MYO1G: variants seen among roughly 807,000 people sequenced by gnomAD.
MYO1G encodes myosin IG, also known as unconventional myosin-Ig.
A neutral mutation model predicts 115.3 loss-of-function variants in MYO1G; 65 were observed. The observed-to-expected ratio is 0.56, with a 90% confidence interval of 0.46 to 0.69. The LOEUF (loss-of-function observed/expected upper bound fraction) is 0.69, where lower values mean the gene tolerates loss of function less well. MYO1G is among the 30% of genes least tolerant of loss of function. MYO1G has a pLI of 0.00. For missense variants in MYO1G, 1,204 were observed against 1,393.5 expected, an observed-to-expected ratio of 0.86 and a Z score of 2.16; for synonymous variants, 510 against 552.6, an observed-to-expected ratio of 0.92 and a Z score of 1.08.
rs965879477 is a variant in MYO1G, at chr7:44,963,763, C to T, written c.2745+286G>A. 1 of 438,498 alleles carries T rather than the reference C, an allele frequency of 2.3e-6. No individual in the cohort carries two copies. 27.2% of individuals were successfully genotyped at this position (438,498 alleles called of 1,614,324 possible). ...GTCCCAGAATGCCCAGGTGGGAGAA[C>T]CCCAGTTGGGCACAAGTTGGAAGAG... On this transcript the variant is annotated intron_variant, in intron 20 of 21. Coordinates refer to ENST00000258787, the MANE Select transcript of MYO1G (RefSeq NM_033054.3). The surrounding 1 kb of genome is among the most constrained non-coding windows in gnomAD (Gnocchi z 4.1).
chr7:44,978,386 A>G (rs1795119454), intron 1 of MYO1G, among the ~76,000 whole-genome samples: 3 of 152,144 alleles, frequency 2.0e-5, no homozygotes, highest in African/African-American at 7.2e-5. Context: ...CCTAGGGTGG[A>G]GCCTGACTGC....
chr7:44,978,034 G>C (rs1456168196), intron 1 of MYO1G, among the ~76,000 whole-genome samples: 1 of 152,230 alleles, frequency 6.6e-6, no homozygotes, highest in Non-Finnish European at 1.5e-5. Context: ...TGTGCACAAA[G>C]TGCTTAGCTC....
chr7:44,970,962 G>C lies in MYO1G; in HGVS notation c.944C>G (p.Thr315Arg), dbSNP rs774267015. 9 of 1,613,230 alleles carry C rather than the reference G, an allele frequency of 5.6e-6. No homozygotes were observed. The Admixed American group carries it at 1.2e-4, about 21-fold the overall frequency. The stretch of plus-strand genomic sequence containing the variant: ...GAGCACGAGGTCCCGGGGTGTGGCC[G>C]TCAGCTCAGCCACATGGTCCACCAG... ...EALVDHVAEL[T>R]ATPRDLVLRS... The change falls in exon 8 of 22, where the codon ACG becomes AGG. Residue 315 changes from threonine to arginine, a missense_variant. Coordinates refer to ENST00000258787, the MANE Select transcript of MYO1G (RefSeq NM_033054.3).
At position 44,969,937 on chromosome 7, in the gene MYO1G, G is replaced by A. The variant is rs999170479; in HGVS notation, c.1333-62C>T. 5.5e-5 allele frequency: 87 copies of A among 1,585,136 alleles called. No individual in the cohort carries two copies. In the African/African-American group the frequency reaches 8.7e-4, roughly 16 times the overall value. The stretch of plus-strand genomic sequence containing the variant: ...TCTTTCAGGCCACCTCCCCTCCTCC[G>A]CCCCACACTCAGCCACCTGTCAGGC... On this transcript the variant is annotated intron_variant, in intron 10 of 21. Coordinates refer to ENST00000258787, the MANE Select transcript of MYO1G (RefSeq NM_033054.3). The surrounding 1 kb of genome is among the most constrained non-coding windows in gnomAD (Gnocchi z 5.0).
intron 6 of MYO1G, 105 bp from the exon 7 acceptor site, chr7:44,971,894 CCT>C: frequency 1.1e-6 from 1 of 871,444 alleles, no homozygotes; most frequent in South Asian, 1.6e-5. Flanking sequence ...ACCCCTGTCC[CCT>C]GTCCCCTTCC....
chr7:44,977,728 G>A (rs1057090734), intron 1 of MYO1G, among the ~76,000 whole-genome samples: 8 of 152,114 alleles, frequency 5.3e-5, no homozygotes, highest in African/African-American at 1.9e-4. Flanking sequence ...TGACCTTTCT[G>A]CCCCTGGGAG....
chr7:44,969,809 C>T lies in MYO1G; in HGVS notation c.1399G>A (p.Val467Met), dbSNP rs150434835. ...GCAGAGCTGCAGGCCTCGTCCAGCA[C>T]GGCCAGGATGCCACGGTGGGGCCGC... Reference protein sequence around the residue: ...VERPHRGILAVLDEACSSAGT... With the variant: ...VERPHRGILAMLDEACSSAGT... Residue 467 changes from valine (V) to methionine (M), a missense_variant, in exon 11 of 22, where the codon GTG becomes ATG. Val to Met is a conservative substitution (Grantham distance 21). Transcript: ENST00000258787. This position sits in a 1 kb window ranked among gnomAD's most constrained non-coding sequence, Gnocchi z 5.0. 8.6e-5 allele frequency: 138 copies of T among 1,613,146 alleles called. 2 individuals are homozygous for T. Among genetic ancestry groups the T allele is most frequent in the African/African-American group, 7.2e-4 (54 of 74,904 alleles).
In MYO1G at chr7:44,972,168, C is replaced by A. The variant is rs778721252; in HGVS notation, c.676G>T (p.Ala226Ser). 3.7e-6 allele frequency: 6 copies of A among 1,614,160 alleles called. No homozygotes were observed. Among genetic ancestry groups the A allele is most frequent in the Non-Finnish European group, 4.2e-6 (5 of 1,180,032 alleles). The change falls in exon 6 of 22, where the codon GCT becomes TCT. Residue 226 changes from alanine (A) to serine (S), a missense_variant. Coordinates refer to ENST00000258787, the MANE Select transcript of MYO1G (RefSeq NM_033054.3). Reference protein sequence around the residue: ...LHELHLERNPAVYNFTHQGAG... With the variant: ...LHELHLERNPSVYNFTHQGAG... ...CCCTGGTGTGTGAAATTGTATACAG[C>A]AGGGTTTCTCTCCAAGTGCAGTTCA...
At position 44,964,667 on chromosome 7, in the gene MYO1G, T is replaced by C; in HGVS notation, c.2527-148A>G. ...GACTTGTGCGTGAGCTGAGCAGCCC[T>C]GGATTTCCTGAGGGCACAGAGCCCT... On this transcript the variant is annotated intron_variant, in intron 18 of 21. Coordinates refer to ENST00000258787, the MANE Select transcript of MYO1G (RefSeq NM_033054.3). This position sits in a 1 kb window ranked among gnomAD's most constrained non-coding sequence, Gnocchi z 5.1. The C allele has an allele frequency of 1.3e-6, 1 of 797,866 alleles. No individual in the cohort carries two copies. Among genetic ancestry groups the C allele is most frequent in the Non-Finnish European group, 2.1e-6 (1 of 487,474 alleles). 49.4% of individuals were successfully genotyped at this position (797,866 alleles called of 1,614,324 possible). A position where few individuals can be genotyped will look rare whatever the true frequency, so the allele number is the denominator to read the frequency against.
At position 44,977,067 on chromosome 7, in the gene MYO1G, C is replaced by T. The variant is rs201659933; in HGVS notation, c.100G>A (p.Glu34Lys). ...ATGTAGGTGTAGATGCGGCCCTTCT[C>T]GAACCTGGACACAGCAGGGGTAGGC... is the stretch of plus-strand genomic sequence containing the variant. Reference protein sequence around the residue: ...DFMRNLQLRFEKGRIYTYIGE... With the variant: ...DFMRNLQLRFKKGRIYTYIGE... The change falls in exon 2 of 22, where the codon GAG becomes AAG. Residue 34 changes from glutamate to lysine, a missense_variant. Transcript: ENST00000258787. 1.7e-5 allele frequency: 28 copies of T among 1,612,992 alleles called. No individual in the cohort carries two copies. The East Asian group carries it at 3.8e-4, about 22-fold the overall frequency.
At position 44,971,745 on chromosome 7, in the gene MYO1G, G is replaced by A. The variant is rs149001196; in HGVS notation, c.774C>T (p.Ala258=). 1,109 of 1,555,648 alleles carry A rather than the reference G, an allele frequency of 7.1e-4. 1 individual carries two copies. Among genetic ancestry groups the A allele is most frequent in the Non-Finnish European group, 9.0e-4 (1,029 of 1,149,130 alleles). ...DEQSHQAVTE[A]MRVIGFSPEE... ...CAGGACTGAAGCCGATGACCCTCAT[G>A]GCCTCGGTCACTGCCTGGTGGCTCT... The change falls in exon 7 of 22, where the codon GCC becomes GCT. Residue 258 remains alanine (A), a synonymous_variant. Transcript: ENST00000258787.
chr7:44,966,844 G>A lies in MYO1G; in HGVS notation c.1783-6C>T. 1 of 1,596,644 alleles carries A rather than the reference G, an allele frequency of 6.3e-7. No homozygotes were observed. The highest frequency in any genetic ancestry group is 8.5e-7 in the Non-Finnish European group (1 of 1,170,262). ...CAGCGGACGTAGAAGGGCTCCTGCA[G>A]GGACAGAGGGGACTTGGAGAGGGTC... On this transcript the variant is annotated splice_polypyrimidine_tract_variant and splice_region_variant and intron_variant, in intron 14 of 21. Transcript: ENST00000258787. This position sits in a 1 kb window ranked among gnomAD's most constrained non-coding sequence, Gnocchi z 5.0.
Position 44,964,460 on chromosome 7 carries a change from G to C in MYO1G, c.2586C>G (p.Asp862Glu). ...AGAGCACAGCCCCGAAGCCATCTTT[G>C]TCCTGAAGTGTCTTTAGTCGCTGAG... The part of the protein sequence containing the change: ...LFAQRLKTLQ[D>E]KDGFGAVLFS... The change falls in exon 19 of 22, where the codon GAC (aspartate) becomes GAG (glutamate). Residue 862 changes from aspartate to glutamate, a missense_variant. By Grantham distance (45) the Asp-to-Glu change is conservative (BLOSUM62 2). Transcript: ENST00000258787. This position sits in a 1 kb window ranked among gnomAD's most constrained non-coding sequence, Gnocchi z 5.1. The C allele has an allele frequency of 6.2e-7, 1 of 1,613,856 alleles. No individual in the cohort carries two copies. Among genetic ancestry groups the C allele is most frequent in the Non-Finnish European group, 8.5e-7 (1 of 1,179,844 alleles).
rs753341341 is a variant in MYO1G at position 44,970,034 on chromosome 7, G to T, written c.1332+6C>A. ...GCCTGGCCTCCCTCCAGGCCACAGT[G>T]CTCACGCTCTGCCAGGTGATGCCCT... On this transcript the variant is annotated splice_donor_region_variant and intron_variant, in intron 10 of 21. Coordinates refer to ENST00000258787, the MANE Select transcript of MYO1G (RefSeq NM_033054.3). 6.2e-7 allele frequency: 1 copy of T among 1,612,706 alleles called. No individual in the cohort carries two copies. Among genetic ancestry groups the T allele is most frequent in the Non-Finnish European group, 8.5e-7 (1 of 1,179,086 alleles).
intron 5 of MYO1G, 104 bp downstream of exon 5, chr7:44,975,070 G>T: frequency 8.2e-7 from 1 of 1,215,510 alleles, no homozygotes; most frequent in Non-Finnish European, 1.2e-6. Flanking sequence ...AGTGGGCAGA[G>T]AGGGGGAATT....
chr7:44,964,156 G>A lies in MYO1G; in HGVS notation c.2638C>T (p.Arg880Cys), dbSNP rs777783175. 3.1e-6 allele frequency: 5 copies of A among 1,589,838 alleles called. No homozygotes were observed. The East Asian group carries it at 6.8e-5, about 22-fold the overall frequency. The change falls in exon 20 of 22, where the codon CGC becomes TGC. Residue 880 changes from arginine (R) to cysteine (C), a missense_variant. Physicochemically the swap from Arg to Cys is radical, Grantham distance 180. Transcript: ENST00000258787. This position sits in a 1 kb window ranked among gnomAD's most constrained non-coding sequence, Gnocchi z 5.1. ...GCCCGGTTCCGGATCTTGTGGAAGC[G>A]GTTCACCTGTGGGAGAGGTGGCTGG... is the stretch of plus-strand genomic sequence containing the variant. ...LFSSHVRKVN[R>C]FHKIRNRALL... is the part of the protein sequence containing the mutation.
intron 7 of MYO1G, among the ~76,000 whole-genome samples, chr7:44,971,467 C>T (rs1330091211): frequency 6.6e-6 from 1 of 152,226 alleles, no homozygotes; most frequent in Non-Finnish European, 1.5e-5. Context: ...TTTTACTGCG[C>T]CTGGCTGACC....
Position 44,965,764 on chromosome 7 carries a change from G to T in MYO1G, c.2254C>A (p.Leu752Met). The T allele has an allele frequency of 1.2e-6, 2 of 1,606,800 alleles. No homozygotes were observed. The highest frequency in any genetic ancestry group is 2.2e-5 in the South Asian group (2 of 91,028). ...WFRRHKVRAHLAELQRRFQAA... is the reference protein window; with the variant it reads ...WFRRHKVRAHMAELQRRFQAA... ...TGGAATCGCCGCTGCAGCTCAGCCA[G>T]GTGAGCCCGCACCTTGTGTCTCCGG... The change falls in exon 17 of 22, where the codon CTG becomes ATG. Residue 752 changes from leucine (L) to methionine (M), a missense_variant. Coordinates refer to ENST00000258787, the MANE Select transcript of MYO1G (RefSeq NM_033054.3).
At position 44,965,074 on chromosome 7, in the gene MYO1G, C is replaced by T; in HGVS notation, c.2397G>A (p.Gln799=). 1 of 1,606,928 alleles carries T rather than the reference C, an allele frequency of 6.2e-7. No individual in the cohort carries two copies. Among genetic ancestry groups the T allele is most frequent in the African/African-American group, 1.3e-5 (1 of 74,940 alleles). ...CTGAAGGGGGGATGTTCTTCACCAG[C>T]TGCCGGGCCCGCCACCTGGGAGAGG... ...HALFCRWRAR[Q]LVKNIPPSDM... Residue 799 remains glutamine, a synonymous_variant, in exon 18 of 22, where the codon CAG becomes CAA. Coordinates refer to ENST00000258787, the MANE Select transcript of MYO1G (RefSeq NM_033054.3).
Sources: allele counts gnomAD v4.1 joint callset (sites outside exome capture counted in the v4.1 genomes callset), GRCh38; gene constraint gnomAD v4.1.1; non-coding constraint Gnocchi (gnomAD v3.1); transcripts MANE v1.5; gene names NCBI Gene and HGNC (gene_info 2026-07-23, HGNC 2026-07-21).